ZNF804B: variants seen among roughly 807,000 people sequenced by gnomAD.
ZNF804B encodes the protein zinc finger 804B.
A neutral mutation model predicts 101.4 loss-of-function variants in ZNF804B; 80 were observed. The ratio of observed to expected loss-of-function variants is 0.79; its 90% CI spans 0.66 to 0.95. The LOEUF (loss-of-function observed/expected upper bound fraction) is 0.95. Ranked by LOEUF, ZNF804B falls within the 40% of genes least tolerant of loss-of-function variation. ZNF804B has a pLI of 0.00. For missense variants in ZNF804B, 1,673 were observed against 1,561.9 expected (o/e 1.07, Z -1.20); for synonymous variants, 622 against 558.8 (o/e 1.11, Z -1.59).
At chr7:88,852,549 C>A (rs1401940968) in intron 1 of ZNF804B, among the ~76,000 whole-genome samples, 1 of 151,966 alleles carries the variant, frequency 6.6e-6, no homozygotes, top group Non-Finnish European at 1.5e-5. Flanking sequence ...GGAAAAGGAC[C>A]CATTGGCTGA....
chr7:88,951,836 A>G (rs143764674), intron 1 of ZNF804B, among the ~76,000 whole-genome samples: 224 of 151,972 alleles, frequency 1.5e-3, no homozygotes, highest in African/African-American at 5.1e-3. Context: ...AATAACTTCT[A>G]AAAGGATAAG....
chr7:89,131,786 A>G lies in ZNF804B; in HGVS notation c.109-86369A>G, dbSNP rs148963650. Among the ~76,000 whole-genome samples, 459 of 152,132 alleles carry G rather than the reference A, an allele frequency of 3.0e-3. 5 individuals carry two copies. Among genetic ancestry groups the G allele is most frequent in the African/African-American group, 0.01 (435 of 41,546 alleles). On this transcript the variant is annotated intron_variant, in intron 1 of 3. Transcript: ENST00000333190. Reference sequence around the variant, plus strand: ...ATTAGAAAACTTGTTTTTACCTGTCATAACTCCTCATTCTCCTGAGGAAGA... The same window carrying G: ...ATTAGAAAACTTGTTTTTACCTGTCGTAACTCCTCATTCTCCTGAGGAAGA...
intron 1 of ZNF804B, among the ~76,000 whole-genome samples, chr7:88,798,264 C>T (rs932782340): frequency 2.6e-5 from 4 of 152,034 alleles, no homozygotes; most frequent in Non-Finnish European, 5.9e-5. Context: ...CCTTTTATTT[C>T]ATATATCTAG....
At chr7:89,167,900 CCTT>C (rs1233018022) in intron 1 of ZNF804B, among the ~76,000 whole-genome samples, 6 of 152,042 alleles carry the variant, frequency 3.9e-5, no homozygotes, top group Admixed American at 1.3e-4. Context: ...CAAAATAAGA[CCTT>C]CTGTGGCAAT....
At chr7:88,819,356 C>G (rs949867814) in intron 1 of ZNF804B, among the ~76,000 whole-genome samples, 31 of 152,216 alleles carry the variant, frequency 2.0e-4, no homozygotes, top group African/African-American at 7.2e-4. Context: ...GCCTCGAACT[C>G]CTGACTTCAA....
At chr7:88,959,181 T>C (rs539728880) in intron 1 of ZNF804B, among the ~76,000 whole-genome samples, 2 of 151,588 alleles carry the variant, frequency 1.3e-5, no homozygotes, top group African/African-American at 4.8e-5. Context: ...TGTTTCTTTC[T>C]TGTTATGTAG....
At chr7:89,171,405 TCTTCTTCTTCTTCTCCTTCTCCTTCTC>T (rs1791233536) in intron 1 of ZNF804B, among the ~76,000 whole-genome samples, 1 of 146,544 alleles carries the variant, frequency 6.8e-6, no homozygotes, top group Admixed American at 6.8e-5. Flanking sequence ...CTCTTCTTCT[TCTTCTTCTTCTTCTCCTTCTCCTTCTC>T]CTTCTCCTTC....
At chr7:89,002,600 G>C (rs1201335320) in intron 1 of ZNF804B, among the ~76,000 whole-genome samples, 2 of 151,696 alleles carry the variant, frequency 1.3e-5, no homozygotes, top group South Asian at 4.2e-4. Flanking sequence ...CTAGAGAAGG[G>C]GGTGGAATGT....
At chr7:88,834,894 C>T (rs1791187266) in intron 1 of ZNF804B, among the ~76,000 whole-genome samples, 1 of 151,716 alleles carries the variant, frequency 6.6e-6, no homozygotes, top group East Asian at 1.9e-4. Context: ...TGCAAAATGT[C>T]CAGAACAACA....
intron 1 of ZNF804B, among the ~76,000 whole-genome samples, chr7:89,202,872 C>A (rs543606617): frequency 1.3e-5 from 2 of 152,170 alleles, no homozygotes; most frequent in South Asian, 4.1e-4. Context: ...ATTATTCTAA[C>A]TTTCTATTTT....
intron 2 of ZNF804B, among the ~76,000 whole-genome samples, chr7:89,324,523 A>T (rs537297367): frequency 6.7e-6 from 1 of 149,598 alleles, no homozygotes; most frequent in East Asian, 2.0e-4. Context: ...GACCATTTAC[A>T]TTTAATATAT....
chr7:89,335,896 T>C lies in ZNF804B; in HGVS notation c.2914T>C (p.Cys972Arg), dbSNP rs527959681. The change falls in exon 4 of 4, where the codon TGT becomes CGT. Residue 972 changes from cysteine (C) to arginine (R), a missense_variant. Transcript: ENST00000333190. The part of the protein sequence containing the change: ...PCTIQLAPSG[C>R]NRQALPLSEK... ...CACAATTCAACTTGCACCATCAGGC[T>C]GTAACAGACAAGCATTGCCTTTGTC... 3.2e-5 allele frequency: 52 copies of C among 1,614,126 alleles called. No individual in the cohort carries two copies. In the South Asian group the frequency reaches 5.3e-4, roughly 16 times the overall value.
At position 89,287,263 on chromosome 7, in the gene ZNF804B, G is replaced by T. The variant is rs76220140; in HGVS notation, c.250-40081G>T. Among the ~76,000 whole-genome samples, 56 of 152,116 alleles carry T rather than the reference G, an allele frequency of 3.7e-4. No individual in the cohort carries two copies. In the East Asian group the frequency reaches 9.9e-3, roughly 27 times the overall value. On this transcript the variant is annotated intron_variant, in intron 2 of 3. Transcript: ENST00000333190. ...AGAAGTTATACTCAGCATGGGGTTG[G>T]TACCCCTAACCCCTGCATTTTTCCA...
At chr7:88,822,215 A>G (rs1443242369) in intron 1 of ZNF804B, among the ~76,000 whole-genome samples, 1 of 152,188 alleles carries the variant, frequency 6.6e-6, no homozygotes, top group Non-Finnish European at 1.5e-5. Flanking sequence ...AACTTCTGAA[A>G]TAGCCTTGGT....
At chr7:89,304,980 A>G (rs1231987825) in intron 2 of ZNF804B, among the ~76,000 whole-genome samples, 1 of 152,028 alleles carries the variant, frequency 6.6e-6, no homozygotes, top group Non-Finnish European at 1.5e-5. Flanking sequence ...TGCAAGACGG[A>G]CTTGCATTAG....
At chr7:89,194,331 T>A (rs2115624858) in intron 1 of ZNF804B, among the ~76,000 whole-genome samples, 1 of 151,872 alleles carries the variant, frequency 6.6e-6, no homozygotes, top group African/African-American at 2.4e-5. Flanking sequence ...ATCCCATTTG[T>A]CAATTTTGGC....
At chr7:89,176,561 CT>C (rs1250220039) in intron 1 of ZNF804B, among the ~76,000 whole-genome samples, 1 of 58,680 alleles carries the variant, frequency 1.7e-5, no homozygotes, top group Non-Finnish European at 3.9e-5. Flanking sequence ...GGTTTTCTTT[CT>C]TTTCTTTTTT....
At chr7:88,762,882 A>G (rs1417464009) in intron 1 of ZNF804B, among the ~76,000 whole-genome samples, 3 of 152,120 alleles carry the variant, frequency 2.0e-5, no homozygotes, top group African/African-American at 7.2e-5. Flanking sequence ...TTTTTATCCA[A>G]GTGTCTCTCC....
intron 1 of ZNF804B, among the ~76,000 whole-genome samples, chr7:89,119,728 T>C (rs999120593): frequency 9.2e-5 from 14 of 152,172 alleles, no homozygotes; most frequent in African/African-American, 3.4e-4. Context: ...TGTGCCCAGT[T>C]ACTTAAATCA....
Sources: allele counts gnomAD v4.1 joint callset (sites outside exome capture counted in the v4.1 genomes callset), GRCh38; gene constraint gnomAD v4.1.1; transcripts MANE v1.5; gene names NCBI Gene and HGNC (gene_info 2026-07-23, HGNC 2026-07-21).